NLGN1: variants seen among roughly 807,000 people sequenced by gnomAD.
NLGN1 encodes the protein neuroligin 1.
In NLGN1, 12 loss-of-function variants were observed where a neutral mutation model predicts 65.5. The observed-to-expected ratio is 0.18, with a 90% CI of 0.12 to 0.30. The LOEUF (loss-of-function observed/expected upper bound fraction) is 0.30, where lower values mean the gene tolerates loss of function less well. NLGN1 is among the 10% of genes least tolerant of loss of function. The pLI is 1.00. For synonymous variants in NLGN1, 350 were observed against 359.5 expected (o/e 0.97, Z 0.30); for missense variants, 750 against 1,007.1 (o/e 0.74, Z 3.46).
At chr3:173,774,380 T>C (rs954872462) in intron 3 of NLGN1, among the ~76,000 whole-genome samples, 2 of 152,208 alleles carry the variant, frequency 1.3e-5, no homozygotes, top group Non-Finnish European at 2.9e-5. Flanking sequence ...GGACACTCAC[T>C]AATATTTCTC....
At chr3:173,796,608 G>A (rs1012785974) in intron 3 of NLGN1, among the ~76,000 whole-genome samples, 12 of 152,086 alleles carry the variant, frequency 7.9e-5, no homozygotes, top group Admixed American at 5.9e-4. Flanking sequence ...TCTAATGAGA[G>A]TTATGTGTGT....
At chr3:173,665,821 C>T (rs1044127878) in intron 3 of NLGN1, among the ~76,000 whole-genome samples, 1 of 152,138 alleles carries the variant, frequency 6.6e-6, no homozygotes, top group Non-Finnish European at 1.5e-5. Context: ...TGACCAAATT[C>T]TCTTGGTACA....
rs772103249 is a variant in NLGN1, at chr3:174,279,091, G to A, written c.1090G>A (p.Val364Ile). Residue 364 changes from valine to isoleucine, a missense_variant, in exon 6 of 7, where the codon GTA becomes ATA. Physicochemically the swap from Val to Ile is conservative, Grantham distance 29 (BLOSUM62 3). Transcript: ENST00000457714. This position sits in a 1 kb window ranked among gnomAD's most constrained non-coding sequence, Gnocchi z 4.7. ...CTTTGGACCTGTGATTGATGGTGAT[G>A]TAATACCAGACGACCCCCAGATATT... is the stretch of plus-strand genomic sequence containing the variant. The A allele has an allele frequency of 1.3e-5, 21 of 1,613,170 alleles. No homozygotes were observed. The highest frequency in any genetic ancestry group is 1.8e-5 in the Non-Finnish European group (21 of 1,179,466).
At chr3:173,861,340 T>C (rs2150802534) in intron 4 of NLGN1, among the ~76,000 whole-genome samples, 1 of 152,004 alleles carries the variant, frequency 6.6e-6, no homozygotes, top group African/African-American at 2.4e-5. Context: ...CTTAAAATCC[T>C]TATGGCAACC....
rs759597966 is a variant in NLGN1, at chr3:173,491,760, C to T, written c.-321+56682C>T. 5.3e-5 allele frequency among the ~76,000 whole-genome samples: 8 copies of T among 151,676 alleles called. 2 individuals carry two copies. The highest frequency in any genetic ancestry group is 6.6e-5 in the Admixed American group (1 of 15,222). Reference sequence around the variant, plus strand: ...AGGATGGTTCTTATTTTCCTTGATACGTCAAAATCTCCTAAACTGAGCATT... The same window carrying T: ...AGGATGGTTCTTATTTTCCTTGATATGTCAAAATCTCCTAAACTGAGCATT... On this transcript the variant is annotated intron_variant, in intron 2 of 6. Transcript: ENST00000457714.
At chr3:173,883,078 G>A (rs1336145655) in intron 4 of NLGN1, among the ~76,000 whole-genome samples, 4 of 149,498 alleles carry the variant, frequency 2.7e-5, no homozygotes, top group African/African-American at 9.9e-5. Context: ...ATTCACAACT[G>A]GGCTGTTTAG....
At chr3:173,615,080 G>A (rs1169348207) in intron 3 of NLGN1, among the ~76,000 whole-genome samples, 5 of 152,144 alleles carry the variant, frequency 3.3e-5, no homozygotes, top group South Asian at 2.1e-4. Flanking sequence ...CACCTCCGCA[G>A]TTTAGCAAAG....
chr3:174,009,498 G>GA (rs1180114393), intron 4 of NLGN1, among the ~76,000 whole-genome samples: 1 of 151,998 alleles, frequency 6.6e-6, no homozygotes, highest in Admixed American at 6.6e-5. Context: ...TATAGTAAAA[G>GA]AAAAAAAGGC....
chr3:173,673,456 A>G (rs1762722697), intron 3 of NLGN1, among the ~76,000 whole-genome samples: 1 of 152,150 alleles, frequency 6.6e-6, no homozygotes, highest in African/African-American at 2.4e-5. Flanking sequence ...AATATAGCCT[A>G]TTTTACTATT....
chr3:173,555,164 A>C (rs1050924008), intron 2 of NLGN1, among the ~76,000 whole-genome samples: 2 of 152,212 alleles, frequency 1.3e-5, no homozygotes, highest in Non-Finnish European at 2.9e-5. Flanking sequence ...AGATGAAGGA[A>C]ATTCATTATT....
At chr3:173,916,656 A>G (rs1043823121) in intron 4 of NLGN1, among the ~76,000 whole-genome samples, 2 of 152,084 alleles carry the variant, frequency 1.3e-5, no homozygotes, top group African/African-American at 4.8e-5. Context: ...TATTCCAGTG[A>G]GGCTTATACA....
At chr3:173,440,806 A>G (rs1219538546) in intron 2 of NLGN1, among the ~76,000 whole-genome samples, 5 of 152,186 alleles carry the variant, frequency 3.3e-5, no homozygotes, top group African/African-American at 9.6e-5. Flanking sequence ...TGGTTTCAAT[A>G]TAAAGTCTCT....
At chr3:173,923,464 T>C (rs559955400) in intron 4 of NLGN1, among the ~76,000 whole-genome samples, 1 of 152,278 alleles carries the variant, frequency 6.6e-6, no homozygotes, top group African/African-American at 2.4e-5. Context: ...TCTTCTTCCC[T>C]CTTTAGAAGG....
chr3:173,611,735 C>T (rs1488829741), intron 3 of NLGN1, among the ~76,000 whole-genome samples: 2 of 152,194 alleles, frequency 1.3e-5, no homozygotes, highest in South Asian at 2.1e-4. Context: ...TACTGACAGA[C>T]AGAGACAGTC....
chr3:173,707,484 T>G (rs1232343007), intron 3 of NLGN1, among the ~76,000 whole-genome samples: 1 of 152,048 alleles, frequency 6.6e-6, no homozygotes, highest in Non-Finnish European at 1.5e-5. Context: ...TTTGCAAATG[T>G]TATATAAACA....
intron 4 of NLGN1, among the ~76,000 whole-genome samples, chr3:173,954,369 G>A (rs1408773578): frequency 6.6e-6 from 1 of 151,844 alleles, no homozygotes; most frequent in Non-Finnish European, 1.5e-5. Flanking sequence ...TGAGGGAAGT[G>A]TAAAAGGTTA....
intron 4 of NLGN1, among the ~76,000 whole-genome samples, chr3:173,884,439 T>A (rs1338096480): frequency 2.0e-5 from 3 of 152,158 alleles, no homozygotes; most frequent in African/African-American, 7.2e-5. Flanking sequence ...GTGCTATATA[T>A]GTTCGTAATG....
intron 4 of NLGN1, among the ~76,000 whole-genome samples, chr3:174,119,017 GA>G (rs972287106): frequency 5.3e-5 from 8 of 150,652 alleles, no homozygotes; most frequent in East Asian, 1.9e-4. Flanking sequence ...AGAGGACATA[GA>G]AAAAAAAAGT....
chr3:173,837,597 G>A lies in NLGN1; in HGVS notation c.646+29765G>A, dbSNP rs189149034. 7.9e-4 allele frequency among the ~76,000 whole-genome samples: 121 copies of A among 152,220 alleles called. 3 individuals carry two copies. The East Asian group carries it at 0.023, about 29-fold the overall frequency. On this transcript the variant is annotated intron_variant, in intron 4 of 6. Coordinates refer to ENST00000457714, the Ensembl canonical transcript of NLGN1. ...ACTCTCTGGTTTCTGAATCTTAGCA[G>A]GGAAAAATAAAACCAGGGAACTGAG... is the stretch of plus-strand genomic sequence containing the variant.
Sources: gnomAD v4.1 joint callset for allele counts (sites outside exome capture counted in the v4.1 genomes callset) on GRCh38, gnomAD v4.1.1 for gene constraint, Gnocchi (gnomAD v3.1) non-coding constraint, MANE v1.5 for transcripts, NCBI Gene and HGNC (gene_info 2026-07-23, HGNC 2026-07-21) for gene names.